Variants in TNFRSF10B observed in about 807,000 individuals in gnomAD.
TNFRSF10B encodes tumor necrosis factor receptor superfamily member 10B.
Under a neutral mutation model 41.4 loss-of-function variants are expected in TNFRSF10B, and 35 were observed. That is an observed-to-expected ratio of 0.85 (90% CI 0.65 to 1.12). TNFRSF10B has a LOEUF of 1.12. Ranked by LOEUF, TNFRSF10B falls within the 50% of genes most tolerant of loss-of-function variation. The pLI is 0.00. For missense variants in TNFRSF10B, 584 were observed against 552.7 expected (o/e 1.06, Z -0.57); for synonymous variants, 230 against 215.5 (o/e 1.07, Z -0.59).
intron 1 of TNFRSF10B, among the ~76,000 whole-genome samples, chr8:23,065,390 C>T (rs1205383309): frequency 1.3e-5 from 2 of 152,192 alleles, no homozygotes; most frequent in Non-Finnish European, 2.9e-5. Context: ...AGGGCAGAGA[C>T]TGGGAGAAGC....
chr8:23,023,635 T>C (rs1212039964), intron 8 of TNFRSF10B, among the ~76,000 whole-genome samples: 1 of 152,210 alleles, frequency 6.6e-6, no homozygotes, highest in African/African-American at 2.4e-5. Context: ...GGCTATGTTT[T>C]CCAACAGCCT....
intron 2 of TNFRSF10B, among the ~76,000 whole-genome samples, chr8:23,039,055 C>G (rs1273413508): frequency 1.3e-5 from 2 of 151,768 alleles, no homozygotes; most frequent in African/African-American, 4.8e-5. Context: ...ATGGTCCTAT[C>G]TGGGGGTGAT....
rs765336214 is a variant in TNFRSF10B, at chr8:23,020,458, G to T, written c.*2213C>A. On this transcript the variant is annotated 3_prime_UTR_variant, in exon 9 of 9. Transcript: ENST00000276431. ...CGCCTGTAATCCCAGCACTTTCGGA[G>T]GCCAAGGTGGATCACCTGAGGTCAG... 1 of 454,072 alleles carries T rather than the reference G, an allele frequency of 2.2e-6. No homozygotes were observed. Among genetic ancestry groups the T allele is most frequent in the South Asian group, 1.6e-5 (1 of 64,480 alleles). 28.1% of individuals were successfully genotyped at this position (454,072 alleles called of 1,614,324 possible). A position where few individuals can be genotyped will look rare whatever the true frequency, so the allele number is the denominator to read the frequency against.
At chr8:23,042,047 C>T (rs561192809) in intron 2 of TNFRSF10B, among the ~76,000 whole-genome samples, 115 of 152,356 alleles carry the variant, frequency 7.5e-4, no homozygotes, top group African/African-American at 2.6e-3. Flanking sequence ...TTACCCTGAG[C>T]AGTTGAATTT....
At chr8:23,028,776 T>A (rs532125613) in intron 4 of TNFRSF10B, among the ~76,000 whole-genome samples, 174 bp from the exon 5 acceptor site, 1 of 152,268 alleles carries the variant, frequency 6.6e-6, no homozygotes, top group South Asian at 2.1e-4. Flanking sequence ...TGGGGAAGGG[T>A]CTGAGCATGC....
At chr8:23,051,606 G>A (rs988741259) in intron 1 of TNFRSF10B, among the ~76,000 whole-genome samples, 20 of 150,796 alleles carry the variant, frequency 1.3e-4, no homozygotes, top group African/African-American at 2.7e-4. Flanking sequence ...ATGCAGTGGC[G>A]CGATCTCGGC....
chr8:23,068,925 G>A lies in TNFRSF10B; in HGVS notation c.-31C>T. The A allele has an allele frequency of 6.2e-7, 1 of 1,613,180 alleles. No individual in the cohort carries two copies. Among genetic ancestry groups the A allele is most frequent in the Non-Finnish European group, 8.5e-7 (1 of 1,179,932 alleles). ...TAGGGAACGCTCTTATAGTCTCTCA[G>A]GCCCGTGGGTTTCAGCCCTTAAAGT... On this transcript the variant is annotated 5_prime_UTR_variant, in exon 1 of 9. Transcript: ENST00000276431.
At chr8:23,024,062 A>G (rs905980709) in intron 8 of TNFRSF10B, 126 bp downstream of exon 8, 14 of 1,193,252 alleles carry the variant, frequency 1.2e-5, no homozygotes, top group Non-Finnish European at 1.7e-5. Flanking sequence ...GATGGTCTAT[A>G]GCACAGGACC....
chr8:23,041,339 G>T (rs1269963445), intron 2 of TNFRSF10B, among the ~76,000 whole-genome samples: 3 of 152,078 alleles, frequency 2.0e-5, no homozygotes, highest in African/African-American at 4.8e-5. Flanking sequence ...TTACAGGTGT[G>T]AGTCACTGCG....
At chr8:23,058,745 A>G (rs758819058) in intron 1 of TNFRSF10B, among the ~76,000 whole-genome samples, 1 of 152,070 alleles carries the variant, frequency 6.6e-6, no homozygotes, top group East Asian at 1.9e-4. Flanking sequence ...TCACCCTCCC[A>G]AAGTGCTGGG....
intron 2 of TNFRSF10B, among the ~76,000 whole-genome samples, chr8:23,032,033 A>G (rs1811899708): frequency 6.6e-6 from 1 of 151,224 alleles, no homozygotes; most frequent in Admixed American, 6.6e-5. Context: ...CAGCCTCCCG[A>G]GTAACTGGGA....
At chr8:23,054,096 G>A (rs1378612280) in intron 1 of TNFRSF10B, among the ~76,000 whole-genome samples, 1 of 152,154 alleles carries the variant, frequency 6.6e-6, no homozygotes, top group Non-Finnish European at 1.5e-5. Context: ...TCTTTAGAAG[G>A]TGGTTTTATA....
At chr8:23,056,390 G>A (rs892628526) in intron 1 of TNFRSF10B, among the ~76,000 whole-genome samples, 4 of 152,106 alleles carry the variant, frequency 2.6e-5, no homozygotes, top group African/African-American at 9.7e-5. Context: ...TGTGGCTCAC[G>A]CCTGTAATCC....
At chr8:23,024,557 G>A (rs1164768254) in intron 7 of TNFRSF10B, among the ~76,000 whole-genome samples, 7 of 150,750 alleles carry the variant, frequency 4.6e-5, no homozygotes, top group African/African-American at 7.3e-5. Context: ...GTCTCACTCC[G>A]TCTCCCAGGC....
At chr8:23,032,392 G>C (rs1159759323) in intron 2 of TNFRSF10B, among the ~76,000 whole-genome samples, 1 of 152,168 alleles carries the variant, frequency 6.6e-6, no homozygotes, top group African/African-American at 2.4e-5. Context: ...TAGAGTCAAA[G>C]AATGATCCAA....
intron 1 of TNFRSF10B, among the ~76,000 whole-genome samples, chr8:23,045,786 T>C (rs778150504): frequency 3.9e-5 from 6 of 152,148 alleles, no homozygotes; most frequent in Non-Finnish European, 7.4e-5. Context: ...GTTCAACATA[T>C]GAAAATCAAT....
At chr8:23,024,448 AT>A (rs1196856321) in intron 7 of TNFRSF10B, among the ~76,000 whole-genome samples, 188 bp from the exon 8 acceptor site, 2 of 152,118 alleles carry the variant, frequency 1.3e-5, no homozygotes, top group African/African-American at 2.4e-5. Context: ...AGCAGTCAAT[AT>A]TTTAGATTAG....
At chr8:23,026,867 A>G (rs938527529) in intron 7 of TNFRSF10B, among the ~76,000 whole-genome samples, 6 of 152,208 alleles carry the variant, frequency 3.9e-5, no homozygotes, top group East Asian at 3.9e-4. Flanking sequence ...TCACTCATCA[A>G]TGAACCCTGT....
chr8:23,036,962 T>C (rs1269633123), intron 2 of TNFRSF10B, among the ~76,000 whole-genome samples: 1 of 152,152 alleles, frequency 6.6e-6, no homozygotes, highest in South Asian at 2.1e-4. Flanking sequence ...CTGTGGTCAA[T>C]GATTTGGCTG....
Sources: allele counts gnomAD v4.1 joint callset (sites outside exome capture counted in the v4.1 genomes callset), GRCh38; gene constraint gnomAD v4.1.1; transcripts MANE v1.5; gene names NCBI Gene and HGNC (gene_info 2026-07-23, HGNC 2026-07-21).